The following LPAR5 variants were observed in gnomAD, a reference collection of about 807,000 sequenced individuals.
The protein encoded by LPAR5 is lysophosphatidic acid receptor 5.
For synonymous variants in LPAR5, 271 were observed against 261.6 expected, an observed-to-expected ratio of 1.04 and a Z score of -0.35; for missense variants, 544 against 521.8, an observed-to-expected ratio of 1.04 and a Z score of -0.41.
chr12:6,630,577 T>C (rs1948975208), intron 1 of LPAR5, among the ~76,000 whole-genome samples: 1 of 150,834 alleles, frequency 6.6e-6, no homozygotes, highest in Non-Finnish European at 1.5e-5. Context: ...CTCAGCCTCC[T>C]GAGTAGCTGG....
chr12:6,633,399 T>C (rs983047975), intron 1 of LPAR5, among the ~76,000 whole-genome samples: 8 of 151,174 alleles, frequency 5.3e-5, no homozygotes, highest in South Asian at 2.1e-4. Flanking sequence ...GCCGGTTCCT[T>C]CTCCTGGGTT....
chr12:6,627,230 T>C (rs995740760), intron 1 of LPAR5, among the ~76,000 whole-genome samples: 1 of 152,206 alleles, frequency 6.6e-6, no homozygotes, highest in South Asian at 2.1e-4. Flanking sequence ...AGGCGGAGGT[T>C]GCAGTGAACG....
rs541214349 is a variant in LPAR5 at position 6,633,417 on chromosome 12, T to G, written c.-217+2490A>C. Among the ~76,000 whole-genome samples, 53 of 152,062 alleles carry G rather than the reference T, an allele frequency of 3.5e-4. 1 individual carries two copies. Among genetic ancestry groups the G allele is most frequent in the Non-Finnish European group, 6.0e-4 (41 of 67,910 alleles). On this transcript the variant is annotated intron_variant, in intron 1 of 1. Transcript: ENST00000329858. ...GGTTCCTTCTCCTGGGTTTTGTTTT[T>G]TTTTTTTCTGAGATGGAGTCTCGCT...
rs898590888 is a variant in LPAR5 at position 6,620,223 on chromosome 12, G to A, written c.1026C>T (p.Thr342=). Residue 342 remains threonine (T), a synonymous_variant, in exon 2 of 2, where the codon ACC becomes ACT. Transcript: ENST00000329858. This position sits in a 1 kb window ranked among gnomAD's most constrained non-coding sequence, Gnocchi z 6.8. ...SERSAVTTDA[T]RPDAASQGLL... ...GCCCCTGACTGGCGGCATCCGGCCT[G>A]GTGGCGTCGGTGGTGACGGCGGACC... The A allele has an allele frequency of 1.9e-6, 3 of 1,611,974 alleles. No individual in the cohort carries two copies. In the African/African-American group the frequency reaches 4.0e-5, roughly 22 times the overall value.
At position 6,629,084 on chromosome 12, in the gene LPAR5, A is replaced by G. The variant is rs535548482; in HGVS notation, c.-217+6823T>C. Among the ~76,000 whole-genome samples the G allele has an allele frequency of 4.4e-4, 65 of 146,198 alleles. 1 individual carries two copies. The highest frequency in any genetic ancestry group is 3.2e-3 in the Middle Eastern group (1 of 316). On this transcript the variant is annotated intron_variant, in intron 1 of 1. Coordinates refer to ENST00000329858, the MANE Select transcript of LPAR5 (RefSeq NM_020400.6). ...TGATCTCAAGTCTTTCTGTTGAAAAAGTTACAATGTACCGGGCACGGTGGC... is the reference window on the plus strand; with the variant it reads ...TGATCTCAAGTCTTTCTGTTGAAAAGGTTACAATGTACCGGGCACGGTGGC...
chr12:6,633,688 C>T (rs1379172476), intron 1 of LPAR5, among the ~76,000 whole-genome samples: 1 of 152,186 alleles, frequency 6.6e-6, no homozygotes, highest in Non-Finnish European at 1.5e-5. Flanking sequence ...GCTGGGATTA[C>T]AGGCGTGAGC....
At chr12:6,625,720 CAA>C (rs34076581) in intron 1 of LPAR5, among the ~76,000 whole-genome samples, 2 of 138,504 alleles carry the variant, frequency 1.4e-5, no homozygotes, top group Non-Finnish European at 1.5e-5. Flanking sequence ...GACTCCGTCT[CAA>C]AAAAAAAAAA....
rs544462347 is a variant in LPAR5, at chr12:6,620,259, C to T, written c.990G>A (p.Ala330=). 20 of 1,606,962 alleles carry T rather than the reference C, an allele frequency of 1.2e-5. 1 individual carries two copies. The highest frequency in any genetic ancestry group is 1.6e-5 in the Non-Finnish European group (19 of 1,176,788). ...TGGTGACGGCGGACCTTTCGGATTG[C>T]GCGAGCGCCGCCCGCGTCCCGTTGG... is the stretch of plus-strand genomic sequence containing the variant. The part of the protein sequence containing the change: ...SATNGTRAAL[A]QSERSAVTTD... Residue 330 remains alanine, a synonymous_variant, in exon 2 of 2, where the codon GCG becomes GCA. Coordinates refer to ENST00000329858, the MANE Select transcript of LPAR5 (RefSeq NM_020400.6). The surrounding 1 kb of genome is among the most constrained non-coding windows in gnomAD (Gnocchi z 6.8).
At position 6,635,102 on chromosome 12, in the gene LPAR5, AAAGG is replaced by A. The variant is rs199613821; in HGVS notation, c.-217+801_-217+804del. On this transcript the variant is annotated intron_variant, in intron 1 of 1. Transcript: ENST00000329858. ...ACTCTGTCTCAAAAAAAAAAAAAAG[AAAGG>A]AAGGAAGGAAGAGAGAAAAAAAGGA... Among the ~76,000 whole-genome samples, 649 of 146,190 alleles carry A rather than the reference AAAGG, an allele frequency of 4.4e-3. 4 individuals carry two copies. Among genetic ancestry groups the A allele is most frequent in the African/African-American group, 0.015 (600 of 40,214 alleles).
At chr12:6,634,949 A>T (rs1442273253) in intron 1 of LPAR5, among the ~76,000 whole-genome samples, 1 of 151,408 alleles carries the variant, frequency 6.6e-6, no homozygotes, top group Non-Finnish European at 1.5e-5. Flanking sequence ...TTAGCCGGGC[A>T]TGGTGGTGCG....
intron 1 of LPAR5, among the ~76,000 whole-genome samples, chr12:6,627,179 C>T (rs899982709): frequency 1.3e-5 from 2 of 152,210 alleles, no homozygotes; most frequent in African/African-American, 2.4e-5. Context: ...ATCTTTCACA[C>T]ATACACATAA....
chr12:6,622,954 C>T (rs868402044), intron 1 of LPAR5, among the ~76,000 whole-genome samples: 38 of 150,712 alleles, frequency 2.5e-4, no homozygotes, highest in African/African-American at 9.0e-4. Context: ...AGAAAGAGGG[C>T]CAGGGCCGGC....
chr12:6,622,699 C>T (rs931359551), intron 1 of LPAR5, among the ~76,000 whole-genome samples: 4 of 151,700 alleles, frequency 2.6e-5, no homozygotes, highest in Non-Finnish European at 4.4e-5. Context: ...GCCGAGATCA[C>T]ACCATTGCAC....
chr12:6,625,793 GTTTGTTT>G (rs528787019), intron 1 of LPAR5, among the ~76,000 whole-genome samples: 2,602 of 151,600 alleles, frequency 0.017, 91 homozygotes, highest in African/African-American at 0.059. Context: ...CAAGTTTTTT[GTTTGTTT>G]TTTGTTTTTT....
At chr12:6,631,587 C>T (rs1237507710) in intron 1 of LPAR5, 1 of 152,356 alleles carries the variant, frequency 6.6e-6, no homozygotes, top group Non-Finnish European at 1.5e-5. Flanking sequence ...TTACTTACCT[C>T]CTCAGGGCCT....
At chr12:6,624,683 C>T (rs527288358) in intron 1 of LPAR5, among the ~76,000 whole-genome samples, 46 of 152,284 alleles carry the variant, frequency 3.0e-4, no homozygotes, top group Admixed American at 7.9e-4. Flanking sequence ...TGCAATGGCA[C>T]GATCTCGGCT....
chr12:6,629,650 G>A (rs1323841650), intron 1 of LPAR5, among the ~76,000 whole-genome samples: 5 of 150,434 alleles, frequency 3.3e-5, no homozygotes, highest in Admixed American at 1.3e-4. Flanking sequence ...CTCCAGCCTA[G>A]ATGGCAGAGT....
At chr12:6,634,599 C>G (rs2136246319) in intron 1 of LPAR5, among the ~76,000 whole-genome samples, 1 of 151,114 alleles carries the variant, frequency 6.6e-6, no homozygotes, top group Non-Finnish European at 1.5e-5. Context: ...TGCCACTGCA[C>G]TTTAGCCTAG....
intron 1 of LPAR5, among the ~76,000 whole-genome samples, chr12:6,627,722 G>A (rs908584842): frequency 2.6e-5 from 4 of 151,974 alleles, no homozygotes; most frequent in Middle Eastern, 3.2e-3. Context: ...AAGCTCCTAG[G>A]GTGGGAGCGC....
Sources: gnomAD v4.1 joint callset for allele counts (sites outside exome capture counted in the v4.1 genomes callset) on GRCh38, gnomAD v4.1.1 for gene constraint, Gnocchi (gnomAD v3.1) non-coding constraint, MANE v1.5 for transcripts, NCBI Gene and HGNC (gene_info 2026-07-23, HGNC 2026-07-21) for gene names.